UTP18: variants seen among roughly 807,000 people sequenced by gnomAD.
The protein encoded by UTP18 is UTP18 small subunit processome component.
A neutral mutation model predicts 61.1 loss-of-function variants in UTP18; 36 were observed. The observed-to-expected ratio is 0.59, with a 90% CI of 0.45 to 0.78. UTP18 has a LOEUF of 0.78. Among genes scored for constraint, UTP18 ranks in the 30% least tolerant of loss-of-function variants. The probability of loss-of-function intolerance (pLI) is 0.00; values close to 1 mark genes in which losing one functional copy is unlikely to be tolerated. For synonymous variants in UTP18, 282 were observed against 251.1 expected (o/e 1.12, Z -1.16); for missense variants, 753 against 693.9 (o/e 1.09, Z -0.96).
intron 1 of UTP18, among the ~76,000 whole-genome samples, chr17:51,262,069 A>C (rs1204213468): frequency 6.6e-6 from 1 of 151,558 alleles, no homozygotes; most frequent in Non-Finnish European, 1.5e-5. Context: ...ACTTCAAGGG[A>C]TATTCTGTGG....
intron 3 of UTP18, among the ~76,000 whole-genome samples, chr17:51,268,210 T>C (rs1332818968): frequency 5.3e-5 from 8 of 152,224 alleles, no homozygotes; most frequent in Non-Finnish European, 8.8e-5. Flanking sequence ...GTATTTTTAG[T>C]AGAGACGGGG....
At chr17:51,287,834 G>A (rs1905153617) in intron 10 of UTP18, among the ~76,000 whole-genome samples, 195 bp from the exon 11 acceptor site, 1 of 152,200 alleles carries the variant, frequency 6.6e-6, no homozygotes, top group African/African-American at 2.4e-5. Flanking sequence ...ACAGAAGGGG[G>A]AGAATTTGAA....
intron 7 of UTP18, among the ~76,000 whole-genome samples, chr17:51,278,805 C>T (rs570514786): frequency 3.3e-5 from 5 of 152,224 alleles, no homozygotes; most frequent in Admixed American, 3.3e-4. Context: ...TTAAAATTAC[C>T]CTTAATAGGC....
At chr17:51,291,388 A>G (rs891213448) in intron 11 of UTP18, among the ~76,000 whole-genome samples, 2 of 152,172 alleles carry the variant, frequency 1.3e-5, no homozygotes, top group Non-Finnish European at 2.9e-5. Flanking sequence ...CTCTTAGGAC[A>G]TTGTAAACAA....
chr17:51,266,265 A>G lies in UTP18; in HGVS notation c.539A>G (p.Lys180Arg). ...ESKLSKDNLK[K>R]RLKEEFQHAM... ...AAACTTTCGAAAGACAACCTTAAAAAGAGACTTAAAGAAGAGTAAGTGTCT... is the reference window on the plus strand; with the variant it reads ...AAACTTTCGAAAGACAACCTTAAAAGGAGACTTAAAGAAGAGTAAGTGTCT... Residue 180 changes from lysine (K) to arginine (R), a missense_variant, in exon 3 of 14, where the codon AAG becomes AGG. Coordinates refer to ENST00000225298, the MANE Select transcript of UTP18 (RefSeq NM_016001.3). 2.5e-6 allele frequency: 4 copies of G among 1,596,602 alleles called. No individual in the cohort carries two copies. The highest frequency in any genetic ancestry group is 1.7e-4 in the Middle Eastern group (1 of 6,000).
At chr17:51,282,772 A>G (rs1483729271) in intron 9 of UTP18, among the ~76,000 whole-genome samples, 1 of 152,196 alleles carries the variant, frequency 6.6e-6, no homozygotes, top group Non-Finnish European at 1.5e-5. Flanking sequence ...GGAGAAATCA[A>G]AAGTTGAGCC....
At chr17:51,289,887 A>T (rs997970201) in intron 11 of UTP18, among the ~76,000 whole-genome samples, 2 of 152,210 alleles carry the variant, frequency 1.3e-5, no homozygotes, top group Admixed American at 6.5e-5. Flanking sequence ...CAGAGGATTA[A>T]CTTAACCAAA....
At chr17:51,284,108 C>G (rs1905035112) in intron 9 of UTP18, among the ~76,000 whole-genome samples, 1 of 152,178 alleles carries the variant, frequency 6.6e-6, no homozygotes, top group Non-Finnish European at 1.5e-5. Flanking sequence ...TGATCCTATT[C>G]AGTTTTCCCA....
intron 11 of UTP18, among the ~76,000 whole-genome samples, chr17:51,291,160 G>T (rs111459169): frequency 6.6e-6 from 1 of 152,112 alleles, no homozygotes; most frequent in Non-Finnish European, 1.5e-5. Context: ...TTGTGAGGCC[G>T]AGGCAGATGG....
intron 3 of UTP18, among the ~76,000 whole-genome samples, chr17:51,267,774 A>G (rs992701728): frequency 6.6e-5 from 10 of 152,080 alleles, no homozygotes; most frequent in Non-Finnish European, 1.3e-4. Context: ...CTTTAGGGGA[A>G]AATTTGTGGT....
intron 4 of UTP18, among the ~76,000 whole-genome samples, chr17:51,272,452 G>A (rs983307202): frequency 6.6e-6 from 1 of 152,094 alleles, no homozygotes; most frequent in African/African-American, 2.4e-5. Context: ...TTAGATCCCT[G>A]TGGGGATTGT....
At chr17:51,266,077 G>T (rs1045286683) in intron 2 of UTP18, 105 bp from the exon 3 acceptor site, 2 of 789,792 alleles carry the variant, frequency 2.5e-6, no homozygotes, top group South Asian at 2.7e-5. Context: ...TAAAAATCTT[G>T]ACCTATATTG....
chr17:51,277,292 C>CA lies in UTP18; in HGVS notation c.1001dup (p.His334GlnfsTer15). 6.2e-7 allele frequency: 1 copy of CA among 1,613,968 alleles called. No individual in the cohort carries two copies. The highest frequency in any genetic ancestry group is 1.1e-5 in the South Asian group (1 of 91,060). On this transcript the variant is annotated frameshift_variant, in exon 7 of 14. Coordinates refer to ENST00000225298, the MANE Select transcript of UTP18 (RefSeq NM_016001.3). LOFTEE classifies it high-confidence loss of function. ...GCTGGCTGGAAAGTTAATTCCTGTG[C>CA]ATCAAGTGAGAGGTAAGATTTCTGT...
chr17:51,271,164 T>G (rs1431894381), intron 4 of UTP18, among the ~76,000 whole-genome samples: 1 of 152,230 alleles, frequency 6.6e-6, no homozygotes, highest in Non-Finnish European at 1.5e-5. Flanking sequence ...TGTATTTTGC[T>G]TAGACTTCAT....
At chr17:51,283,870 C>T (rs745443707) in intron 9 of UTP18, among the ~76,000 whole-genome samples, 6 of 152,128 alleles carry the variant, frequency 3.9e-5, no homozygotes, top group Non-Finnish European at 8.8e-5. Context: ...CTGCCTTGGC[C>T]TCCCAAAGTG....
intron 12 of UTP18, among the ~76,000 whole-genome samples, chr17:51,294,418 C>G (rs967318567): frequency 1.4e-5 from 2 of 147,384 alleles, no homozygotes; most frequent in South Asian, 2.2e-4. Context: ...TCTCATTGTT[C>G]AATTCCCACC....
chr17:51,270,340 G>C (rs892587182), intron 4 of UTP18, among the ~76,000 whole-genome samples: 3 of 152,054 alleles, frequency 2.0e-5, no homozygotes, highest in Admixed American at 2.0e-4. Context: ...TCGTTATTTT[G>C]ACCATTTTTT....
chr17:51,272,524 T>C (rs752063529), intron 4 of UTP18, among the ~76,000 whole-genome samples: 1 of 152,200 alleles, frequency 6.6e-6, no homozygotes, highest in African/African-American at 2.4e-5. Context: ...TTATATTTCA[T>C]TGAGTGGTGG....
chr17:51,261,635 C>T (rs1334331937), intron 1 of UTP18, among the ~76,000 whole-genome samples: 2 of 151,862 alleles, frequency 1.3e-5, no homozygotes, highest in African/African-American at 4.8e-5. Context: ...GTGGCAGAGA[C>T]AAGATAGAGG....
Sources: allele counts gnomAD v4.1 joint callset (sites outside exome capture counted in the v4.1 genomes callset), GRCh38; gene constraint gnomAD v4.1.1; transcripts MANE v1.5; gene names NCBI Gene and HGNC (gene_info 2026-07-23, HGNC 2026-07-21).